Variants in CNTNAP2 observed in about 807,000 individuals in gnomAD.
CNTNAP2 encodes the protein contactin associated protein 2, also known as contactin-associated protein-like 2.
Under a neutral mutation model 155.2 loss-of-function variants are expected in CNTNAP2, and 98 were observed. The ratio of observed to expected loss-of-function variants is 0.63; its 90% CI spans 0.54 to 0.75. CNTNAP2 has a LOEUF of 0.75. Among genes scored for constraint, CNTNAP2 ranks in the 30% least tolerant of loss-of-function variants. CNTNAP2 has a pLI of 0.00. For synonymous variants in CNTNAP2, 651 were observed against 631.2 expected, an observed-to-expected ratio of 1.03 and a Z score of -0.47; for missense variants, 1,727 against 1,688.1, an observed-to-expected ratio of 1.02 and a Z score of -0.40.
At chr7:146,470,431 A>T (rs190326595) in intron 1 of CNTNAP2, among the ~76,000 whole-genome samples, 1 of 152,278 alleles carries the variant, frequency 6.6e-6, no homozygotes, top group Admixed American at 6.5e-5. Context: ...TATGACTCCC[A>T]CTACCTGATA....
chr7:147,523,955 G>A (rs1018122523), intron 11 of CNTNAP2, among the ~76,000 whole-genome samples: 4 of 152,252 alleles, frequency 2.6e-5, no homozygotes, highest in East Asian at 1.9e-4. Context: ...AGTTTCCTCC[G>A]TTTGGGAACT....
intron 2 of CNTNAP2, among the ~76,000 whole-genome samples, chr7:146,824,977 T>C (rs947736125): frequency 6.6e-6 from 1 of 151,662 alleles, no homozygotes; most frequent in African/African-American, 2.4e-5. Flanking sequence ...ATTAAAGAAA[T>C]TCTTTACATG....
intron 13 of CNTNAP2, among the ~76,000 whole-genome samples, chr7:147,809,721 T>C (rs933839669): frequency 6.6e-6 from 1 of 152,242 alleles, no homozygotes; most frequent in African/African-American, 2.4e-5. Flanking sequence ...TATTGTATTC[T>C]GGTGTGTTAT....
Position 146,224,125 on chromosome 7 carries a change from A to T in CNTNAP2, c.97+107152A>T, listed in dbSNP as rs60545693. On this transcript the variant is annotated intron_variant, in intron 1 of 23. Coordinates refer to ENST00000361727, the MANE Select transcript of CNTNAP2 (RefSeq NM_014141.6). The stretch of plus-strand genomic sequence containing the variant: ...AATGTATTTATAGCCAAAAGCTTTC[A>T]CCAGTTAGGAAATGCAGCAGATGCC... Among the ~76,000 whole-genome samples, 625 of 152,254 alleles carry T rather than the reference A, an allele frequency of 4.1e-3. 2 individuals are homozygous for T. Among genetic ancestry groups the T allele is most frequent in the African/African-American group, 0.014 (597 of 41,544 alleles).
chr7:147,411,930 G>GA (rs1170904862), intron 10 of CNTNAP2, among the ~76,000 whole-genome samples: 1 of 151,900 alleles, frequency 6.6e-6, no homozygotes, highest in Admixed American at 6.6e-5. Context: ...CATGCTTCCA[G>GA]AAAAAAATAT....
intron 3 of CNTNAP2, among the ~76,000 whole-genome samples, chr7:146,860,937 C>T (rs2129205123): frequency 6.6e-6 from 1 of 152,294 alleles, no homozygotes; most frequent in Admixed American, 6.5e-5. Context: ...GATGCCAGCT[C>T]TCATATTTAT....
intron 21 of CNTNAP2, among the ~76,000 whole-genome samples, chr7:148,372,532 A>G (rs1350463798): frequency 1.3e-5 from 2 of 152,000 alleles, no homozygotes; most frequent in East Asian, 3.9e-4. Context: ...ACATGGTGAA[A>G]CCCCGTCTCT....
chr7:147,041,572 A>AATTTGCCTG (rs71299801), intron 3 of CNTNAP2, among the ~76,000 whole-genome samples: 8,393 of 152,176 alleles, frequency 0.055, 286 homozygotes, highest in African/African-American at 0.094. Flanking sequence ...AACTCTGTAG[A>AATTTGCCTG]ATTTGCCTGA....
chr7:148,267,082 C>A lies in CNTNAP2; in HGVS notation c.3431C>A (p.Thr1144Asn), dbSNP rs775781258. The change falls in exon 21 of 24, where the codon ACC (threonine) becomes AAC (asparagine). Residue 1144 changes from threonine (T) to asparagine (N), a missense_variant. By Grantham distance (65) the Thr-to-Asn change is moderately conservative. Transcript: ENST00000361727. ...TACCATCTGCCAAGTTCATCCGACA[C>A]CCTCTTCAATTCTCCCAAGTCGCTC... is the stretch of plus-strand genomic sequence containing the variant. ...VSYHLPSSSD[T>N]LFNSPKSLFL... The A allele has an allele frequency of 1.2e-6, 2 of 1,614,132 alleles. No individual in the cohort carries two copies. The highest frequency in any genetic ancestry group is 2.2e-5 in the East Asian group (1 of 44,882).
chr7:146,862,748 C>T (rs1044261645), intron 3 of CNTNAP2, among the ~76,000 whole-genome samples: 11 of 152,300 alleles, frequency 7.2e-5, no homozygotes, highest in African/African-American at 2.4e-4. Context: ...TTCTGTGAAA[C>T]ATACATATGC....
intron 2 of CNTNAP2, among the ~76,000 whole-genome samples, chr7:146,817,124 C>G (rs370607514): frequency 3.9e-5 from 6 of 151,946 alleles, no homozygotes; most frequent in Admixed American, 6.6e-5. Context: ...AAAGGAAAAC[C>G]CTGTTACATA....
intron 10 of CNTNAP2, among the ~76,000 whole-genome samples, chr7:147,457,673 C>G (rs530381205): frequency 6.8e-4 from 103 of 151,496 alleles, no homozygotes; most frequent in African/African-American, 2.4e-3. Context: ...AATGAATGAA[C>G]AAATTAATGA....
chr7:148,318,022 G>A (rs1169760996), intron 21 of CNTNAP2, among the ~76,000 whole-genome samples: 1 of 152,208 alleles, frequency 6.6e-6, no homozygotes, highest in African/African-American at 2.4e-5. Flanking sequence ...CTCCAAGGTG[G>A]TGGCAAGCAT....
intron 8 of CNTNAP2, among the ~76,000 whole-genome samples, chr7:147,279,974 G>A (rs1419669063): frequency 6.6e-6 from 1 of 151,866 alleles, no homozygotes; most frequent in Non-Finnish European, 1.5e-5. Flanking sequence ...TGTCTGCAGA[G>A]CACAGTGAAC....
At chr7:147,848,198 C>T (rs1009871785) in intron 13 of CNTNAP2, among the ~76,000 whole-genome samples, 8 of 142,612 alleles carry the variant, frequency 5.6e-5, no homozygotes, top group African/African-American at 1.8e-4. Context: ...CCCCCAGCCT[C>T]GTTGCCGCCT....
chr7:148,345,212 A>G (rs1457181773), intron 21 of CNTNAP2, among the ~76,000 whole-genome samples: 1 of 152,098 alleles, frequency 6.6e-6, no homozygotes, highest in Admixed American at 6.5e-5. Flanking sequence ...GTGTGTGCTG[A>G]GTGCTAAGTT....
chr7:148,228,826 T>C (rs867725006), intron 19 of CNTNAP2, among the ~76,000 whole-genome samples: 1 of 25,874 alleles, frequency 3.9e-5, no homozygotes, highest in African/African-American at 1.2e-4. Context: ...AGACTCTGTT[T>C]CAAAAAAAAA....
chr7:146,797,592 G>A (rs1315270067), intron 2 of CNTNAP2, among the ~76,000 whole-genome samples: 1 of 152,168 alleles, frequency 6.6e-6, no homozygotes, highest in African/African-American at 2.4e-5. Context: ...AAGTAAAGCA[G>A]GGTAGAAGAA....
At chr7:146,976,700 C>A (rs1476666139) in intron 3 of CNTNAP2, among the ~76,000 whole-genome samples, 2 of 152,010 alleles carry the variant, frequency 1.3e-5, no homozygotes, top group Non-Finnish European at 2.9e-5. Context: ...CCTCTTGGAC[C>A]TTTTATGGAG....
Sources: gnomAD v4.1 joint callset for allele counts (sites outside exome capture counted in the v4.1 genomes callset) on GRCh38, gnomAD v4.1.1 for gene constraint, MANE v1.5 for transcripts, NCBI Gene and HGNC (gene_info 2026-07-23, HGNC 2026-07-21) for gene names.